The following HMGN3 variants were observed in gnomAD, a reference collection of about 807,000 sequenced individuals.
HMGN3 encodes the protein high mobility group nucleosomal binding domain 3, also known as high mobility group nucleosome-binding domain-containing protein 3.
HMGN3 carries 6 observed loss-of-function variants against 18.8 expected under a neutral mutation model. The observed-to-expected ratio is 0.32, with a 90% CI of 0.18 to 0.63. The LOEUF is 0.63. Among genes scored for constraint, HMGN3 ranks in the 30% least tolerant of loss-of-function variants. The pLI, the probability that HMGN3 is intolerant of heterozygous loss-of-function variation, is 0.79. For missense variants in HMGN3, 107 were observed against 114.2 expected (o/e 0.94, Z 0.29); for synonymous variants, 40 against 36.5 (o/e 1.10, Z -0.35).
Position 79,201,742 on chromosome 6 carries a change from GAA to G in HMGN3, c.262-18_262-17del, listed in dbSNP as rs71547744. 6.4e-7 allele frequency: 1 copy of G among 1,574,450 alleles called. No individual in the cohort carries two copies. Among genetic ancestry groups the G allele is most frequent in the Non-Finnish European group, 8.6e-7 (1 of 1,158,614 alleles). On this transcript the variant is annotated splice_polypyrimidine_tract_variant and intron_variant, in intron 5 of 5. Transcript: ENST00000344726. Reference sequence around the variant, plus strand: ...TTTTCTGTGCCTGTGAAAAAGAAAGGAAAAAAAAACATATAGTTACTACTGAA... The same window carrying G: ...TTTTCTGTGCCTGTGAAAAAGAAAGGAAAAAAACATATAGTTACTACTGAA...
At chr6:79,213,774 G>T (rs919995114) in intron 2 of HMGN3, among the ~76,000 whole-genome samples, 1 of 152,196 alleles carries the variant, frequency 6.6e-6, no homozygotes, top group Non-Finnish European at 1.5e-5. Context: ...CAAATCTTGT[G>T]CAGGGGTTTT....
intron 2 of HMGN3, among the ~76,000 whole-genome samples, chr6:79,212,228 A>G (rs13209772): frequency 0.051 from 7,744 of 152,234 alleles, 215 homozygotes; most frequent in South Asian, 0.1. Flanking sequence ...GGAGATGCAG[A>G]TATCTTTCCT....
intron 3 of HMGN3, among the ~76,000 whole-genome samples, chr6:79,207,738 G>T (rs1776489762): frequency 6.6e-6 from 1 of 152,114 alleles, no homozygotes; most frequent in Non-Finnish European, 1.5e-5. Context: ...GATTTGGGTT[G>T]AGAATGAAAT....
chr6:79,225,683 C>A (rs1191062863), intron 1 of HMGN3, among the ~76,000 whole-genome samples: 1 of 152,198 alleles, frequency 6.6e-6, no homozygotes, highest in South Asian at 2.1e-4. Flanking sequence ...ACAGTGGAAT[C>A]TGAGAAAATT....
intron 3 of HMGN3, among the ~76,000 whole-genome samples, chr6:79,206,671 A>G (rs1776436614): frequency 6.6e-6 from 1 of 152,246 alleles, no homozygotes; most frequent in Non-Finnish European, 1.5e-5. Context: ...CCTCACACAG[A>G]GTCCCTACTG....
intron 1 of HMGN3, among the ~76,000 whole-genome samples, chr6:79,232,278 T>C (rs1368139394): frequency 1.3e-5 from 2 of 152,212 alleles, no homozygotes; most frequent in African/African-American, 4.8e-5. Context: ...CTCACATAAG[T>C]TCCAGTGAAC....
At chr6:79,201,776 A>G (rs1561979675) in intron 5 of HMGN3, 50 bp from the exon 7 acceptor site, 4 of 1,590,044 alleles carry the variant, frequency 2.5e-6, no homozygotes, top group Non-Finnish European at 3.4e-6. Flanking sequence ...TGAAACTACT[A>G]TAAGCAAAGG....
intron 1 of HMGN3, among the ~76,000 whole-genome samples, chr6:79,224,577 C>A (rs547142576): frequency 6.6e-6 from 1 of 152,154 alleles, no homozygotes; most frequent in African/African-American, 2.4e-5. Flanking sequence ...AAAACATACA[C>A]CAAATCATCT....
intron 1 of HMGN3, among the ~76,000 whole-genome samples, chr6:79,228,837 G>A (rs1777690633): frequency 1.3e-5 from 2 of 152,202 alleles, no homozygotes; most frequent in South Asian, 4.1e-4. Flanking sequence ...AAACTGTGGG[G>A]ATTACAGGTG....
At position 79,234,522 on chromosome 6, in the gene HMGN3, A is replaced by T; in HGVS notation, c.15+24T>A. The T allele has an allele frequency of 1.9e-6, 3 of 1,608,946 alleles. No homozygotes were observed. In the Admixed American group the frequency reaches 5.0e-5, roughly 27 times the overall value. On this transcript the variant is annotated intron_variant, in intron 1 of 5. Coordinates refer to ENST00000344726, the Ensembl canonical transcript of HMGN3. ...TGTAAGCAGAATTTGAAGGCTTTTG[A>T]AATCTTTTTTTGGTAAGACTTACCT...
At chr6:79,225,206 C>T (rs1022886348) in intron 1 of HMGN3, among the ~76,000 whole-genome samples, 1 of 152,110 alleles carries the variant, frequency 6.6e-6, no homozygotes, top group Admixed American at 6.5e-5. Context: ...AAACATCCCA[C>T]AGTTTCCACC....
At chr6:79,202,113 C>A (rs751928536) in intron 5 of HMGN3, 2 of 1,543,374 alleles carry the variant, frequency 1.3e-6, no homozygotes, top group Middle Eastern at 3.3e-4. Context: ...GGTGGGGTGC[C>A]TCTGGAGGTT....
At chr6:79,217,846 G>T (rs1210050300) in intron 1 of HMGN3, among the ~76,000 whole-genome samples, 1 of 152,236 alleles carries the variant, frequency 6.6e-6, no homozygotes, top group Non-Finnish European at 1.5e-5. Context: ...GAAACAAAAG[G>T]CTGGGGGTGG....
chr6:79,202,089 C>A (rs752829257), intron 5 of HMGN3: 1 of 1,538,816 alleles, frequency 6.5e-7, no homozygotes, highest in South Asian at 1.2e-5. Context: ...TGCCCCTTTA[C>A]TGACAGTGTG....
intron 3 of HMGN3, among the ~76,000 whole-genome samples, chr6:79,205,105 T>C (rs1776352966): frequency 6.6e-6 from 1 of 152,182 alleles, no homozygotes; most frequent in Non-Finnish European, 1.5e-5. Context: ...CAGGGAATGA[T>C]CTCAGTGGAA....
intron 1 of HMGN3, among the ~76,000 whole-genome samples, chr6:79,229,522 A>G (rs1365207825): frequency 6.6e-6 from 1 of 152,230 alleles, no homozygotes; most frequent in Non-Finnish European, 1.5e-5. Context: ...CCAAGTATGA[A>G]CAAGTATGTT....
At position 79,207,478 on chromosome 6, in the gene HMGN3, G is replaced by A. The variant is rs148242952; in HGVS notation, c.96+1069C>T. ...CCACATAAGATGTGACTTGCTCCTCGTCTTCCACCATGATTGTGAGGCTTC... is the reference window on the plus strand; with the variant it reads ...CCACATAAGATGTGACTTGCTCCTCATCTTCCACCATGATTGTGAGGCTTC... On this transcript the variant is annotated intron_variant, in intron 3 of 5. Coordinates refer to ENST00000344726, the Ensembl canonical transcript of HMGN3. 6.6e-3 allele frequency among the ~76,000 whole-genome samples: 1,003 copies of A among 152,226 alleles called. 3 individuals are homozygous for A. Among genetic ancestry groups the A allele is most frequent in the African/African-American group, 0.022 (926 of 41,524 alleles).
At chr6:79,229,818 C>G (rs1363734139) in intron 1 of HMGN3, among the ~76,000 whole-genome samples, 1 of 152,078 alleles carries the variant, frequency 6.6e-6, no homozygotes, top group East Asian at 1.9e-4. Context: ...GCGGAGCTTG[C>G]AGTGAGCTGA....
At chr6:79,234,363 G>A (rs1778034266) in intron 1 of HMGN3, 183 bp downstream of exon 1, 3 of 487,802 alleles carry the variant, frequency 6.2e-6, no homozygotes, top group Admixed American at 6.4e-5. Flanking sequence ...GATGAGGACG[G>A]AGTGGGTAGG....
Sources: allele counts gnomAD v4.1 joint callset (sites outside exome capture counted in the v4.1 genomes callset), GRCh38; gene constraint gnomAD v4.1.1; transcripts MANE v1.5; gene names NCBI Gene and HGNC (gene_info 2026-07-23, HGNC 2026-07-21).